NALF1: variants seen among roughly 807,000 people sequenced by gnomAD.
The protein encoded by NALF1 is NALCN channel auxiliary factor 1.
NALF1 carries 3 observed loss-of-function variants against 48.4 expected under a neutral mutation model. The observed-to-expected ratio is 0.06, with a 90% confidence interval of 0.03 to 0.16. The LOEUF is 0.16. Ranked by LOEUF, NALF1 falls within the 10% of genes least tolerant of loss-of-function variation. NALF1 has a pLI of 1.00. For synonymous variants in NALF1, 262 were observed against 245.7 expected (o/e 1.07, Z -0.62); for missense variants, 526 against 571.5 (o/e 0.92, Z 0.81).
intron 2 of NALF1, among the ~76,000 whole-genome samples, chr13:107,172,076 T>C (rs574377397): frequency 6.6e-6 from 1 of 152,322 alleles, no homozygotes; most frequent in Admixed American, 6.5e-5. Context: ...GCATTGGCTC[T>C]TCCCAGAGCA....
At chr13:107,721,980 TC>T (rs899937617) in intron 1 of NALF1, among the ~76,000 whole-genome samples, 1 of 151,912 alleles carries the variant, frequency 6.6e-6, no homozygotes, top group African/African-American at 2.4e-5. Flanking sequence ...CACTGAGGGT[TC>T]CCCCCCTCTT....
chr13:107,792,299 A>G (rs773567787), intron 1 of NALF1, among the ~76,000 whole-genome samples: 7 of 152,222 alleles, frequency 4.6e-5, no homozygotes, highest in Non-Finnish European at 7.3e-5. Flanking sequence ...TTAATACCAT[A>G]CATATGACAT....
At chr13:107,693,884 T>C (rs1881632676) in intron 1 of NALF1, among the ~76,000 whole-genome samples, 1 of 152,192 alleles carries the variant, frequency 6.6e-6, no homozygotes, top group Admixed American at 6.5e-5. Flanking sequence ...CTTCATGGTT[T>C]GCTTGCAAGA....
intron 1 of NALF1, among the ~76,000 whole-genome samples, chr13:107,290,226 G>A (rs1279970173): frequency 6.7e-6 from 1 of 149,532 alleles, no homozygotes; most frequent in Non-Finnish European, 1.5e-5. Flanking sequence ...CACAAATTAT[G>A]TTCAATGAGT....
At chr13:107,671,705 T>C (rs1370134666) in intron 1 of NALF1, among the ~76,000 whole-genome samples, 1 of 152,022 alleles carries the variant, frequency 6.6e-6, no homozygotes, top group African/African-American at 2.4e-5. Flanking sequence ...AATATGGTAA[T>C]ATACAAGACC....
In NALF1 at chr13:107,219,785, C is replaced by G. The variant is rs1205220066; in HGVS notation, c.916-9030G>C. On this transcript the variant is annotated intron_variant, in intron 1 of 2. Transcript: ENST00000375915. ...CCAAAGAGAAAGGAACTTACTGTAA[C>G]AGCCTCACTTAGTAGAAATGGGCAA... 7.9e-5 allele frequency among the ~76,000 whole-genome samples: 12 copies of G among 152,240 alleles called. No homozygotes were observed. In the South Asian group the frequency reaches 1.9e-3, roughly 24 times the overall value.
intron 1 of NALF1, among the ~76,000 whole-genome samples, chr13:107,690,659 T>C (rs1395336108): frequency 6.6e-6 from 1 of 152,072 alleles, no homozygotes; most frequent in Non-Finnish European, 1.5e-5. Context: ...TTAGACTAGT[T>C]TACTAAATAT....
At chr13:107,413,600 T>G (rs966505029) in intron 1 of NALF1, among the ~76,000 whole-genome samples, 10 of 152,106 alleles carry the variant, frequency 6.6e-5, no homozygotes, top group Admixed American at 5.9e-4. Context: ...TTTTTCTTCT[T>G]TTGTGAATTA....
intron 1 of NALF1, among the ~76,000 whole-genome samples, chr13:107,740,023 T>C (rs1262283142): frequency 6.6e-6 from 1 of 152,172 alleles, no homozygotes; most frequent in East Asian, 1.9e-4. Flanking sequence ...TATTATGGTG[T>C]AATAATAATA....
chr13:107,547,888 T>C (rs533419259), intron 1 of NALF1, among the ~76,000 whole-genome samples: 2 of 152,266 alleles, frequency 1.3e-5, no homozygotes, highest in South Asian at 2.1e-4. Flanking sequence ...CCAGCAGTAG[T>C]AGCACAAGTA....
rs1397792539 is a variant in NALF1 at position 107,525,589 on chromosome 13, T to A, written c.916-314834A>T. Among the ~76,000 whole-genome samples the A allele has an allele frequency of 3.9e-5, 6 of 152,258 alleles. No homozygotes were observed. The South Asian group carries it at 1.2e-3, about 32-fold the overall frequency. ...TCTAAAAACATCTATGTACAAACTT[T>A]GGTATAAACATATATTTTTCTGTCT... On this transcript the variant is annotated intron_variant, in intron 1 of 2. Transcript: ENST00000375915.
intron 1 of NALF1, among the ~76,000 whole-genome samples, chr13:107,591,429 A>G (rs1306091581): frequency 2.0e-5 from 3 of 152,058 alleles, no homozygotes; most frequent in Non-Finnish European, 4.4e-5. Flanking sequence ...ATAAAATGTC[A>G]GTATGCAAAT....
chr13:107,430,201 T>C (rs1013150033), intron 1 of NALF1, among the ~76,000 whole-genome samples: 2 of 152,184 alleles, frequency 1.3e-5, no homozygotes, highest in Non-Finnish European at 1.5e-5. Context: ...GGTTGGAATA[T>C]AATAGTGAAA....
At chr13:107,724,102 A>C (rs1199585981) in intron 1 of NALF1, among the ~76,000 whole-genome samples, 1 of 152,152 alleles carries the variant, frequency 6.6e-6, no homozygotes, top group Non-Finnish European at 1.5e-5. Flanking sequence ...CAGAAGATTA[A>C]AGATGAAAAT....
intron 1 of NALF1, among the ~76,000 whole-genome samples, chr13:107,449,943 C>T (rs1884712668): frequency 6.6e-6 from 1 of 152,118 alleles, no homozygotes; most frequent in Non-Finnish European, 1.5e-5. Context: ...AACACACTCT[C>T]ATTTGCTAGG....
intron 1 of NALF1, among the ~76,000 whole-genome samples, chr13:107,504,217 C>A (rs1875619619): frequency 6.8e-6 from 1 of 147,638 alleles, no homozygotes; most frequent in African/African-American, 2.5e-5. Flanking sequence ...CACCATTGCA[C>A]TCCAGCCTGG....
At chr13:107,387,281 C>A (rs72650580) in intron 1 of NALF1, among the ~76,000 whole-genome samples, 14,902 of 152,170 alleles carry the variant, frequency 0.098, 1,012 homozygotes, top group Non-Finnish European at 0.15. Flanking sequence ...GAATTGATTT[C>A]TCTAGTTCCA....
rs59720340 is a variant in NALF1, at chr13:107,693,603, CT to C, written c.915+172078del. Among the ~76,000 whole-genome samples, 3,457 of 142,300 alleles carry C rather than the reference CT, an allele frequency of 0.024. 265 individuals carry two copies. The East Asian group carries it at 0.3, about 12-fold the overall frequency. 93.4% of individuals were successfully genotyped at this position (142,300 alleles called of 152,430 possible). ...AAGGTTACTTTAGAAAGGCATTTTT[CT>C]TTTTTTTTTTTTCCTTTATAATGGT... On this transcript the variant is annotated intron_variant, in intron 1 of 2. Transcript: ENST00000375915.
intron 1 of NALF1, among the ~76,000 whole-genome samples, chr13:107,561,971 AAT>A (rs1440336320): frequency 2.0e-5 from 3 of 152,252 alleles, no homozygotes; most frequent in Non-Finnish European, 4.4e-5. Flanking sequence ...TTAACAAGAT[AAT>A]ATGCAAAATG....
Sources: gnomAD v4.1 joint callset for allele counts (sites outside exome capture counted in the v4.1 genomes callset) on GRCh38, gnomAD v4.1.1 for gene constraint, MANE v1.5 for transcripts, NCBI Gene and HGNC (gene_info 2026-07-23, HGNC 2026-07-21) for gene names.